The following GIGYF2 variants were observed in gnomAD, a reference collection of about 807,000 sequenced individuals.
GIGYF2 encodes the protein GRB10 interacting GYF protein 2, also known as GRB10-interacting GYF protein 2.
Under a neutral mutation model 208.1 loss-of-function variants are expected in GIGYF2, and 25 were observed. The observed-to-expected ratio is 0.12, with a 90% confidence interval of 0.09 to 0.17. The LOEUF is 0.17. GIGYF2 is among the 10% of genes least tolerant of loss of function. The pLI is 1.00. For synonymous variants in GIGYF2, 534 were observed against 543.8 expected (o/e 0.98, Z 0.25); for missense variants, 1,302 against 1,579.4 (o/e 0.82, Z 2.98).
At chr2:232,739,400 A>G (rs549448698) in intron 3 of GIGYF2, among the ~76,000 whole-genome samples, 7 of 127,946 alleles carry the variant, frequency 5.5e-5, no homozygotes, top group African/African-American at 2.0e-4. Flanking sequence ...AGGGTTAGGC[A>G]TGGTGGCTGG....
chr2:232,839,913 T>A lies in GIGYF2; in HGVS notation c.2831T>A (p.Leu944Gln). The A allele has an allele frequency of 6.2e-7, 1 of 1,614,014 alleles. No individual in the cohort carries two copies. Among genetic ancestry groups the A allele is most frequent in the Non-Finnish European group, 8.5e-7 (1 of 1,179,858 alleles). The stretch of plus-strand genomic sequence containing the variant: ...ACAGCATGTCAGTCCCAGGCCACGC[T>A]GTCGTTGGCTGAAATCCAAAAACTA... ...NTTACQSQATLSLAEIQKLEE... is the reference protein window; with the variant it reads ...NTTACQSQATQSLAEIQKLEE... The change falls in exon 23 of 29, where the codon CTG (leucine) becomes CAG (glutamine). Residue 944 changes from leucine to glutamine, a missense_variant. By Grantham distance (113) the Leu-to-Gln change is moderately radical. This residue lies in a region of GIGYF2 where 701 missense variants were observed against 793.0 expected (regional missense o/e 0.88). Transcript: ENST00000373563.
At chr2:232,771,087 T>TG in intron 8 of GIGYF2, 1 of 1,614,018 alleles carries the variant, frequency 6.2e-7, no homozygotes, top group Non-Finnish European at 8.5e-7. Context: ...GGTTTTCAGG[T>TG]GGGGCATCAT....
chr2:232,777,115 T>C (rs1040949935), intron 8 of GIGYF2, among the ~76,000 whole-genome samples: 1 of 145,834 alleles, frequency 6.9e-6, no homozygotes, highest in African/African-American at 2.5e-5. Context: ...GGAAACAAAC[T>C]TTTTTTTTTT....
chr2:232,729,843 C>A, intron 2 of GIGYF2: 1 of 738,156 alleles, frequency 1.4e-6, no homozygotes, highest in East Asian at 2.5e-5. Context: ...GGTGTTCTTC[C>A]CTTAGCCTCT....
intron 8 of GIGYF2, among the ~76,000 whole-genome samples, chr2:232,770,279 C>T (rs758547257): frequency 8.5e-5 from 13 of 152,198 alleles, no homozygotes; most frequent in Admixed American, 7.9e-4. Flanking sequence ...AAAAAGGGCA[C>T]TAGTCCTCCT....
At chr2:232,726,673 G>C (rs1697217332) in intron 2 of GIGYF2, among the ~76,000 whole-genome samples, 1 of 152,010 alleles carries the variant, frequency 6.6e-6, no homozygotes, top group Admixed American at 6.6e-5. Context: ...TTTCTACTAG[G>C]TTAAAATTTA....
chr2:232,717,846 A>G (rs1574787729), intron 2 of GIGYF2, among the ~76,000 whole-genome samples: 1 of 152,064 alleles, frequency 6.6e-6, no homozygotes, highest in Non-Finnish European at 1.5e-5. Flanking sequence ...AGTGGCACCA[A>G]GGCATTCATG....
At position 232,812,436 on chromosome 2, in the gene GIGYF2, CG is replaced by C. The variant is rs1700760025; in HGVS notation, c.2053del (p.Val685CysfsTer45). 1 of 1,556,686 alleles carries C rather than the reference CG, an allele frequency of 6.4e-7. No individual in the cohort carries two copies. Among genetic ancestry groups the C allele is most frequent in the African/African-American group, 1.4e-5 (1 of 73,560 alleles). ...TTCCCTCAGTAACTAGGTCTGTGTC[CG>C]TGCCAGATACTGGCTCTATCTGGGA... ...IIPSVTRSVSVPDTGSIWELQ... is the reference protein window; with the variant it reads ...IIPSVTRSVSXPDTGSIWELQ... On this transcript the variant is annotated frameshift_variant, in exon 18 of 29. Coordinates refer to ENST00000373563, the MANE Select transcript of GIGYF2 (RefSeq NM_001103146.3). LOFTEE classifies it high-confidence loss of function.
chr2:232,774,971 TAC>T (rs574957516), intron 8 of GIGYF2, among the ~76,000 whole-genome samples: 2 of 152,204 alleles, frequency 1.3e-5, no homozygotes, highest in Non-Finnish European at 2.9e-5. Flanking sequence ...CTAGGCTCTT[TAC>T]AATTGTATTT....
intron 8 of GIGYF2, among the ~76,000 whole-genome samples, chr2:232,769,384 A>G (rs1186268954): frequency 1.3e-5 from 2 of 151,882 alleles, no homozygotes; most frequent in Admixed American, 6.6e-5. Flanking sequence ...TACAAAAATT[A>G]GCTGGGTCTG....
intron 2 of GIGYF2, among the ~76,000 whole-genome samples, chr2:232,723,673 C>T (rs1697046856): frequency 6.6e-6 from 1 of 150,984 alleles, no homozygotes; most frequent in African/African-American, 2.4e-5. Context: ...TCGTGATCCA[C>T]CTGCTTTGGC....
At chr2:232,817,166 T>C in intron 20 of GIGYF2, 134 bp downstream of exon 20, 2 of 767,248 alleles carry the variant, frequency 2.6e-6, no homozygotes, top group Non-Finnish European at 2.3e-6. Flanking sequence ...CACTCACCTT[T>C]GGAAAGAATC....
intron 6 of GIGYF2, among the ~76,000 whole-genome samples, chr2:232,759,780 A>G (rs190557570): frequency 2.0e-5 from 3 of 152,246 alleles, no homozygotes; most frequent in East Asian, 1.9e-4. Context: ...TCAAATGTCA[A>G]TAGATCTAAC....
In GIGYF2 at chr2:232,810,911, T is replaced by C. The variant is rs760227687; in HGVS notation, c.1899-333T>C. ...TCTGTTTCATTTTTCATTTGATTTC[T>C]GATAAAAGGTTATCTTTGGAGTTTA... is the stretch of plus-strand genomic sequence containing the variant. On this transcript the variant is annotated intron_variant, in intron 16 of 28. Transcript: ENST00000373563. 2.6e-4 allele frequency: 67 copies of C among 258,352 alleles called. 2 individuals carry two copies. The Middle Eastern group carries it at 8.8e-3, about 34-fold the overall frequency. The allele number at this position is 258,352 out of a possible 1,614,324, so 16.0% of individuals were successfully genotyped here.
intron 16 of GIGYF2, 35 bp downstream of exon 16, chr2:232,809,846 A>G: frequency 8.8e-7 from 1 of 1,130,852 alleles, no homozygotes; most frequent in Non-Finnish European, 1.4e-6. Flanking sequence ...GTACTGCAGC[A>G]TGAAAAAGGA....
chr2:232,765,903 A>G, intron 8 of GIGYF2: 1 of 470,382 alleles, frequency 2.1e-6, no homozygotes, highest in Non-Finnish European at 4.4e-6. Context: ...TTCCAAAGGA[A>G]CGTTTAAAGT....
At chr2:232,716,374 G>GTTTTT (rs397988241) in intron 2 of GIGYF2, among the ~76,000 whole-genome samples, 63 of 100,256 alleles carry the variant, frequency 6.3e-4, no homozygotes, top group Non-Finnish European at 8.0e-4. Context: ...GGTGTTATTT[G>GTTTTT]TTTTTTTTTT....
At position 232,763,432 on chromosome 2, in the gene GIGYF2, A is replaced by G. The variant is rs185277914; in HGVS notation, c.532+1996A>G. Among the ~76,000 whole-genome samples, 94 of 152,288 alleles carry G rather than the reference A, an allele frequency of 6.2e-4. 1 individual carries two copies. Among genetic ancestry groups the G allele is most frequent in the African/African-American group, 2.2e-3 (93 of 41,552 alleles). The stretch of plus-strand genomic sequence containing the variant: ...AAATACTGTGTTTTTCTATACATAT[A>G]TATCTATGATAAAGTTTAATTTATA... On this transcript the variant is annotated intron_variant, in intron 8 of 28. Transcript: ENST00000373563.
At chr2:232,835,742 G>C (rs184872111) in intron 22 of GIGYF2, among the ~76,000 whole-genome samples, 449 of 152,228 alleles carry the variant, frequency 2.9e-3, no homozygotes, top group African/African-American at 0.01. Flanking sequence ...ATAGCACTGG[G>C]TGTGCCCAGA....
Sources: allele counts gnomAD v4.1 joint callset (sites outside exome capture counted in the v4.1 genomes callset), GRCh38; gene constraint gnomAD v4.1.1; regional missense constraint gnomAD v4.1.1; transcripts MANE v1.5; gene names NCBI Gene and HGNC (gene_info 2026-07-23, HGNC 2026-07-21).